The following MTHFD1L variants were observed in gnomAD, a reference collection of about 807,000 sequenced individuals.
MTHFD1L encodes monofunctional C1-tetrahydrofolate synthase, mitochondrial.
Under a neutral mutation model 119.5 loss-of-function variants are expected in MTHFD1L, and 81 were observed. The ratio of observed to expected loss-of-function variants is 0.68; its 90% CI spans 0.57 to 0.82. The LOEUF is 0.82. Ranked by LOEUF, MTHFD1L falls within the 40% of genes least tolerant of loss-of-function variation. The pLI is 0.00. For missense variants in MTHFD1L, 1,125 were observed against 1,253.4 expected, an observed-to-expected ratio of 0.90 and a Z score of 1.55; for synonymous variants, 430 against 475.2, an observed-to-expected ratio of 0.90 and a Z score of 1.24.
chr6:150,913,412 G>A (rs777570709), intron 8 of MTHFD1L, among the ~76,000 whole-genome samples: 2 of 151,916 alleles, frequency 1.3e-5, no homozygotes, highest in Admixed American at 6.6e-5. Context: ...TCATCCGCCC[G>A]ACTCGGCCTC....
At chr6:150,893,157 T>C (rs978188665) in intron 7 of MTHFD1L, among the ~76,000 whole-genome samples, 4 of 152,126 alleles carry the variant, frequency 2.6e-5, no homozygotes, top group South Asian at 2.1e-4. Flanking sequence ...CTCTGCCTCA[T>C]GGGTTCAAGA....
intron 20 of MTHFD1L, among the ~76,000 whole-genome samples, chr6:150,983,453 C>T (rs1325615215): frequency 6.6e-6 from 1 of 152,132 alleles, no homozygotes; most frequent in Admixed American, 6.5e-5. Context: ...TGGTTGTTAG[C>T]CCAGCCCTAT....
chr6:151,028,569 T>C (rs1417349221), intron 24 of MTHFD1L, among the ~76,000 whole-genome samples: 1 of 152,152 alleles, frequency 6.6e-6, no homozygotes. Flanking sequence ...GGACAGATAC[T>C]GCTTGATTCC....
chr6:150,911,385 A>G (rs1349920671), intron 8 of MTHFD1L, among the ~76,000 whole-genome samples: 1 of 152,146 alleles, frequency 6.6e-6, no homozygotes, highest in Non-Finnish European at 1.5e-5. Context: ...TAGGATTGCA[A>G]CTCTCAAGAA....
intron 23 of MTHFD1L, among the ~76,000 whole-genome samples, chr6:151,015,206 C>CTTTTTTT (rs58646889): frequency 6.6e-4 from 51 of 76,890 alleles, no homozygotes; most frequent in African/African-American, 1.0e-3. Flanking sequence ...ATCTCCTTGG[C>CTTTTTTT]TTTTTTTTTT....
At chr6:151,025,310 C>T (rs1267868708) in intron 24 of MTHFD1L, among the ~76,000 whole-genome samples, 1 of 152,226 alleles carries the variant, frequency 6.6e-6, no homozygotes, top group African/African-American at 2.4e-5. Flanking sequence ...CAAGGACATG[C>T]TTTGTGTCAA....
intron 11 of MTHFD1L, chr6:150,935,531 A>G: frequency 6.4e-7 from 1 of 1,557,162 alleles, no homozygotes; most frequent in South Asian, 1.2e-5. Flanking sequence ...GATCATTAAA[A>G]GAAAAATTTT....
At chr6:151,046,900 G>A (rs1246948112) in intron 26 of MTHFD1L, among the ~76,000 whole-genome samples, 1 of 152,070 alleles carries the variant, frequency 6.6e-6, no homozygotes, top group Non-Finnish European at 1.5e-5. Context: ...TTAAGAAAAG[G>A]GTCAAGCTTT....
intron 17 of MTHFD1L, among the ~76,000 whole-genome samples, chr6:150,959,604 T>C (rs2128995761): frequency 6.6e-6 from 1 of 152,336 alleles, no homozygotes; most frequent in African/African-American, 2.4e-5. Context: ...CCTGGGCAGC[T>C]GAAAATTGAG....
rs1791846286 is a variant in MTHFD1L at position 150,935,196 on chromosome 6, G to A, written c.1257-1608G>A. 4.3e-6 allele frequency: 7 copies of A among 1,611,956 alleles called. No homozygotes were observed. In the South Asian group the frequency reaches 6.6e-5, roughly 15 times the overall value. On this transcript the variant is annotated intron_variant, in intron 11 of 27. Transcript: ENST00000367321. ...GTCACTTTTCACTTCTGGGATGTAG[G>A]TGGTCAGGAGAAATTAAGGCCACTG...
chr6:151,011,074 A>C (rs757629507), intron 21 of MTHFD1L, among the ~76,000 whole-genome samples: 2 of 152,210 alleles, frequency 1.3e-5, no homozygotes, highest in African/African-American at 2.4e-5. Context: ...ATCTCCTACT[A>C]TGTCCACCAT....
intron 26 of MTHFD1L, among the ~76,000 whole-genome samples, chr6:151,082,648 G>A (rs899920601): frequency 2.6e-5 from 4 of 151,734 alleles, no homozygotes; most frequent in African/African-American, 9.7e-5. Flanking sequence ...CTTTAATCCA[G>A]GCAATTATCA....
At chr6:151,092,186 G>T (rs1046180502) in intron 26 of MTHFD1L, among the ~76,000 whole-genome samples, 1 of 152,172 alleles carries the variant, frequency 6.6e-6, no homozygotes, top group African/African-American at 2.4e-5. Flanking sequence ...GAGAAGAAAA[G>T]GTTTGGAGTT....
chr6:151,058,521 G>A (rs1307013513), intron 26 of MTHFD1L, among the ~76,000 whole-genome samples: 2 of 152,250 alleles, frequency 1.3e-5, no homozygotes, highest in Admixed American at 1.3e-4. Flanking sequence ...CAGTATGAGA[G>A]ACGGCAATTA....
chr6:150,880,836 T>G (rs1418559703), intron 4 of MTHFD1L, among the ~76,000 whole-genome samples: 1 of 152,262 alleles, frequency 6.6e-6, no homozygotes, highest in Non-Finnish European at 1.5e-5. Flanking sequence ...ATTTCCCTGA[T>G]AATTAATGAT....
chr6:150,869,879 A>G (rs1047088413), intron 1 of MTHFD1L, among the ~76,000 whole-genome samples: 9 of 152,034 alleles, frequency 5.9e-5, no homozygotes, highest in African/African-American at 2.2e-4. Context: ...AGATGACCAT[A>G]ATCCCTCAGC....
At chr6:151,061,715 C>T (rs190583873) in intron 26 of MTHFD1L, among the ~76,000 whole-genome samples, 1 of 152,250 alleles carries the variant, frequency 6.6e-6, no homozygotes, top group Admixed American at 6.5e-5. Context: ...AGTCATTAGC[C>T]CCTCAAAGGG....
chr6:150,939,617 C>A (rs1227116900), intron 13 of MTHFD1L, among the ~76,000 whole-genome samples: 1 of 151,612 alleles, frequency 6.6e-6, no homozygotes, highest in Non-Finnish European at 1.5e-5. Context: ...TGGGTGGCTG[C>A]TCCTGCTTCC....
chr6:151,047,951 G>T (rs1391346130), intron 26 of MTHFD1L, among the ~76,000 whole-genome samples: 4 of 152,164 alleles, frequency 2.6e-5, no homozygotes, highest in Non-Finnish European at 5.9e-5. Flanking sequence ...AGGCAAAGGG[G>T]AAGCAAGCAC....
Sources: gnomAD v4.1 joint callset for allele counts (sites outside exome capture counted in the v4.1 genomes callset) on GRCh38, gnomAD v4.1.1 for gene constraint, MANE v1.5 for transcripts, NCBI Gene and HGNC (gene_info 2026-07-23, HGNC 2026-07-21) for gene names.